The following SETD4 variants were observed in gnomAD, a reference collection of about 807,000 sequenced individuals.
The protein encoded by SETD4 is SET domain-containing protein 4.
SETD4 carries 46 observed loss-of-function variants against 58.3 expected under a neutral mutation model. The observed-to-expected ratio is 0.79, with a 90% CI of 0.62 to 1.01. The LOEUF (loss-of-function observed/expected upper bound fraction) is 1.01, where lower values mean the gene tolerates loss of function less well. SETD4 is among the 50% of genes least tolerant of loss of function. SETD4 has a pLI of 0.00. For missense variants in SETD4, 490 were observed against 523.3 expected, an observed-to-expected ratio of 0.94 and a Z score of 0.62; for synonymous variants, 190 against 202.6, an observed-to-expected ratio of 0.94 and a Z score of 0.53.
chr21:36,060,492 T>G lies in SETD4; in HGVS notation c.-182A>C, dbSNP rs1032655685. ...GAGGCTGAAGGCTGTCGCGCCTGCC[T>G]GGTGTCCTTAAGCAATCCAAGTCCT... is the stretch of plus-strand genomic sequence containing the variant. On this transcript the variant is annotated 5_prime_UTR_variant, in exon 1 of 12. Transcript: ENST00000332131. 3 of 152,442 alleles carry G rather than the reference T, an allele frequency of 2.0e-5. No individual in the cohort carries two copies. Among genetic ancestry groups the G allele is most frequent in the Non-Finnish European group, 4.4e-5 (3 of 68,220 alleles). 9.4% of individuals were successfully genotyped at this position (152,442 alleles called of 1,614,324 possible). A position where few individuals can be genotyped will look rare whatever the true frequency, so the allele number is the denominator to read the frequency against.
intron 9 of SETD4, 146 bp downstream of exon 9, chr21:36,040,429 A>G (rs1020452053): frequency 1.0e-5 from 7 of 668,590 alleles, no homozygotes; most frequent in African/African-American, 3.6e-5. Flanking sequence ...GGCAAGTTAC[A>G]TAATGAGAAA....
At chr21:36,045,353 T>C (rs892638727) in intron 6 of SETD4, among the ~76,000 whole-genome samples, 6 of 152,170 alleles carry the variant, frequency 3.9e-5, no homozygotes, top group African/African-American at 1.4e-4. Flanking sequence ...CGAGGCTCTG[T>C]AGGCCTGAAG....
chr21:36,055,901 T>C (rs1038909049), intron 3 of SETD4, among the ~76,000 whole-genome samples: 1 of 152,176 alleles, frequency 6.6e-6, no homozygotes, highest in Non-Finnish European at 1.5e-5. Context: ...ACACCAGAGA[T>C]GTGGGCAGGC....
At chr21:36,059,746 G>A (rs377475469) in intron 1 of SETD4, 2 of 984,774 alleles carry the variant, frequency 2.0e-6, no homozygotes, top group African/African-American at 3.5e-5. Flanking sequence ...ACATACGAGG[G>A]CAGAAATGAG....
rs927565748 is a variant in SETD4, at chr21:36,034,806, C to T, written c.*1187G>A. ...CCAGAAAGCTTCAAATGGTTACTATCGGGCCCTCCACAGAAGTCTGCCCAC... is the reference window on the plus strand; with the variant it reads ...CCAGAAAGCTTCAAATGGTTACTATTGGGCCCTCCACAGAAGTCTGCCCAC... On this transcript the variant is annotated 3_prime_UTR_variant, in exon 12 of 12. Transcript: ENST00000332131. 1.3e-5 allele frequency: 2 copies of T among 152,048 alleles called. No homozygotes were observed. The highest frequency in any genetic ancestry group is 2.4e-5 in the African/African-American group (1 of 41,388). 9.4% of individuals were successfully genotyped at this position (152,048 alleles called of 1,614,324 possible).
chr21:36,044,970 A>C (rs1051276300), intron 6 of SETD4, among the ~76,000 whole-genome samples: 15 of 152,160 alleles, frequency 9.9e-5, no homozygotes, highest in African/African-American at 3.6e-4. Context: ...GCTGGGGAGG[A>C]GGCGATCTGT....
chr21:36,036,646 G>A (rs1352767745), intron 10 of SETD4: 4 of 974,578 alleles, frequency 4.1e-6, no homozygotes, highest in Admixed American at 1.2e-4. Flanking sequence ...GTTTTCATAC[G>A]AATAAGCTGA....
Position 36,045,828 on chromosome 21 carries a change from T to G in SETD4, c.480A>C (p.Glu160Asp), listed in dbSNP as rs2064300085. ...LLPKSLKAKA[E>D]EQRAHVQEFF... ...ACTCCTGCACGTGGGCTCTCTGCTC[T>G]TCAGCCTTTGCTTTTAAAGATTTGG... The change falls in exon 6 of 12, where the codon GAA (glutamate) becomes GAC (aspartate). Residue 160 changes from glutamate to aspartate, a missense_variant. Glu to Asp is a conservative substitution (Grantham distance 45). Coordinates refer to ENST00000332131, the MANE Select transcript of SETD4 (RefSeq NM_017438.5). The G allele has an allele frequency of 5.0e-6, 8 of 1,614,186 alleles. No individual in the cohort carries two copies. The highest frequency in any genetic ancestry group is 6.8e-6 in the Non-Finnish European group (8 of 1,180,038).
chr21:36,045,754 GCAAA>G lies in SETD4; in HGVS notation c.550_553del (p.Phe184ArgfsTer27), dbSNP rs766389551. 1 of 1,614,186 alleles carries G rather than the reference GCAAA, an allele frequency of 6.2e-7. No homozygotes were observed. The highest frequency in any genetic ancestry group is 1.7e-5 in the Admixed American group (1 of 60,032). On this transcript the variant is annotated frameshift_variant, in exon 6 of 12. Coordinates refer to ENST00000332131, the MANE Select transcript of SETD4 (RefSeq NM_017438.5). LOFTEE classifies it high-confidence loss of function. ...GCTGAAGATGCTGTCAACAGCCTCCGCAAACAGAGGCTGCAGAGAAGAGAAAAAG... is the reference window on the plus strand; with the variant it reads ...GCTGAAGATGCTGTCAACAGCCTCCGCAGAGGCTGCAGAGAAGAGAAAAAG...
intron 3 of SETD4, among the ~76,000 whole-genome samples, chr21:36,055,826 T>G (rs2064959235): frequency 6.6e-6 from 1 of 152,188 alleles, no homozygotes; most frequent in African/African-American, 2.4e-5. Flanking sequence ...TTCTCAGGTA[T>G]TCCATCTAAA....
chr21:36,037,296 T>C (rs62230817), intron 10 of SETD4, among the ~76,000 whole-genome samples: 1 of 133,558 alleles, frequency 7.5e-6, no homozygotes, highest in Non-Finnish European at 1.7e-5. Flanking sequence ...ATATATACAA[T>C]TTTTACTGAC....
Position 36,048,351 on chromosome 21 carries a change from T to C in SETD4, c.253A>G (p.Thr85Ala), listed in dbSNP as rs754018203. 10 of 1,614,066 alleles carry C rather than the reference T, an allele frequency of 6.2e-6. No homozygotes were observed. The Admixed American group carries it at 6.7e-5, about 11-fold the overall frequency. Residue 85 changes from threonine to alanine, a missense_variant, in exon 5 of 12, where the codon ACG (threonine) becomes GCG (alanine). Transcript: ENST00000332131. Reference protein sequence around the residue: ...ISLPESCLLTTDTVIRSYLGA... With the variant: ...ISLPESCLLTADTVIRSYLGA... ...AAGTAGCTTCGAATCACTGTGTCCG[T>C]GGTGAGCAGGCAACTCTCAGGCAAC...
intron 4 of SETD4, chr21:36,050,565 T>A (rs1188136853): frequency 6.2e-7 from 1 of 1,613,650 alleles, no homozygotes; most frequent in African/African-American, 1.3e-5. Context: ...TAATAAGTTC[T>A]GGACATTTCA....
rs2063877193 is a variant in SETD4 at position 36,038,280 on chromosome 21, C to A, written c.1065-7G>T. Reference sequence around the variant, plus strand: ...TACTTTTTTCCAGCATGTACTAGAACCAAAATGTTCCATGACACAATTTTA... The same window carrying A: ...TACTTTTTTCCAGCATGTACTAGAAACAAAATGTTCCATGACACAATTTTA... On this transcript the variant is annotated splice_region_variant and splice_polypyrimidine_tract_variant and intron_variant, in intron 9 of 11. Coordinates refer to ENST00000332131, the MANE Select transcript of SETD4 (RefSeq NM_017438.5). 6.2e-7 allele frequency: 1 copy of A among 1,606,228 alleles called. No individual in the cohort carries two copies. The highest frequency in any genetic ancestry group is 8.5e-7 in the Non-Finnish European group (1 of 1,178,086).
rs1439357676 is a variant in SETD4, at chr21:36,059,689, A to G, written c.-37+658T>C. The G allele has an allele frequency of 3.2e-6, 3 of 951,510 alleles. No individual in the cohort carries two copies. The African/African-American group carries it at 5.3e-5, about 17-fold the overall frequency. The allele number at this position is 951,510 out of a possible 1,614,324, so 58.9% of individuals were successfully genotyped here. ...GGCGACAGAGCGAGACTCTGTCACA[A>G]AAAATAAATTAAAAAAATAAAAATA... On this transcript the variant is annotated intron_variant, in intron 1 of 11. Transcript: ENST00000332131.
intron 3 of SETD4, among the ~76,000 whole-genome samples, chr21:36,056,358 T>G (rs1182085694): frequency 6.6e-6 from 1 of 152,178 alleles, no homozygotes; most frequent in Non-Finnish European, 1.5e-5. Context: ...CCCTGTGATG[T>G]AGAATTTTGG....
At chr21:36,056,294 C>T (rs1295353887) in intron 3 of SETD4, among the ~76,000 whole-genome samples, 2 of 152,156 alleles carry the variant, frequency 1.3e-5, no homozygotes, top group African/African-American at 2.4e-5. Context: ...ATTCTAATGG[C>T]CAAGGGGAGC....
chr21:36,045,895 G>A lies in SETD4; in HGVS notation c.413C>T (p.Thr138Ile), dbSNP rs769820020. The change falls in exon 6 of 12, where the codon ACC (threonine) becomes ATC (isoleucine). Residue 138 changes from threonine to isoleucine, a missense_variant. Physicochemically the swap from Thr to Ile is moderately conservative, Grantham distance 89. Transcript: ENST00000332131. Reference sequence around the variant, plus strand: ...TTCCGGCTCCAAACAAACAGGGCAGGTATACGCCTTGGGTAAAATCTCCAG... The same window carrying A: ...TTCCGGCTCCAAACAAACAGGGCAGATATACGCCTTGGGTAAAATCTCCAG... ...PYLEILPKAYTCPVCLEPEVV... is the reference protein window; with the variant it reads ...PYLEILPKAYICPVCLEPEVV... The A allele has an allele frequency of 6.2e-6, 10 of 1,614,210 alleles. No individual in the cohort carries two copies. Among genetic ancestry groups the A allele is most frequent in the Non-Finnish European group, 8.5e-6 (10 of 1,180,044 alleles).
chr21:36,057,240 C>A (rs1297206306), intron 2 of SETD4, 36 bp from the exon 3 acceptor site: 8 of 1,446,304 alleles, frequency 5.5e-6, no homozygotes, highest in African/African-American at 1.4e-5. Flanking sequence ...GTGATTAAAA[C>A]CACTATATAA....
Sources: gnomAD v4.1 joint callset for allele counts (sites outside exome capture counted in the v4.1 genomes callset) on GRCh38, gnomAD v4.1.1 for gene constraint, MANE v1.5 for transcripts, NCBI Gene and HGNC (gene_info 2026-07-23, HGNC 2026-07-21) for gene names.